ADAM12: variants seen among roughly 807,000 people sequenced by gnomAD.
The protein encoded by ADAM12 is disintegrin and metalloproteinase domain-containing protein 12.
ADAM12 carries 70 observed loss-of-function variants against 106.4 expected under a neutral mutation model. The ratio of observed to expected loss-of-function variants is 0.66; its 90% CI spans 0.54 to 0.80. The LOEUF (loss-of-function observed/expected upper bound fraction) is 0.80, where lower values mean the gene tolerates loss of function less well. Ranked by LOEUF, ADAM12 falls within the 30% of genes least tolerant of loss-of-function variation. The probability of loss-of-function intolerance (pLI) is 0.00; values close to 1 mark genes in which losing one functional copy is unlikely to be tolerated. For missense variants in ADAM12, 1,010 were observed against 1,171.9 expected, an observed-to-expected ratio of 0.86 and a Z score of 2.02; for synonymous variants, 420 against 433.5, an observed-to-expected ratio of 0.97 and a Z score of 0.39.
At chr10:126,160,811 C>T (rs1674923) in intron 3 of ADAM12, among the ~76,000 whole-genome samples, 84,288 of 152,068 alleles carry the variant, frequency 0.55, 24,302 homozygotes, top group East Asian at 0.75. Flanking sequence ...GCTCACTTTT[C>T]CCTCTAGCTC....
chr10:126,097,734 T>C (rs1286247669), intron 10 of ADAM12, among the ~76,000 whole-genome samples: 1 of 152,188 alleles, frequency 6.6e-6, no homozygotes, highest in Admixed American at 6.5e-5. Context: ...TTTAATTATC[T>C]GATGAAGTGG....
intron 2 of ADAM12, among the ~76,000 whole-genome samples, chr10:126,321,063 G>C (rs1306007804): frequency 6.6e-6 from 1 of 152,162 alleles, no homozygotes. Context: ...CTGGGAACCT[G>C]ACCTCGGGTC....
chr10:126,103,107 C>T (rs577859849), intron 8 of ADAM12, among the ~76,000 whole-genome samples: 63 of 152,274 alleles, frequency 4.1e-4, no homozygotes, highest in African/African-American at 1.5e-3. Flanking sequence ...GTCATCATTC[C>T]TTAGTGCTAG....
chr10:126,326,085 T>C lies in ADAM12; in HGVS notation c.186+4327A>G, dbSNP rs572857384. ...TTCAGAAAGAAAGAGACAGAGAACT[T>C]GACAGTAATTTTACCTAAATCAGCC... On this transcript the variant is annotated intron_variant, in intron 2 of 22. Transcript: ENST00000448723. Among the ~76,000 whole-genome samples the C allele has an allele frequency of 1.3e-5, 2 of 152,278 alleles. 1 individual carries two copies. The highest frequency in any genetic ancestry group is 4.8e-5 in the African/African-American group (2 of 41,558).
intron 3 of ADAM12, among the ~76,000 whole-genome samples, chr10:126,221,821 T>C (rs1051289360): frequency 6.6e-6 from 1 of 152,228 alleles, no homozygotes; most frequent in African/African-American, 2.4e-5. Context: ...AACCAGGTGC[T>C]ACGAAACTCT....
At chr10:126,017,753 G>A (rs563848516) in intron 22 of ADAM12, among the ~76,000 whole-genome samples, 4 of 152,222 alleles carry the variant, frequency 2.6e-5, no homozygotes, top group South Asian at 4.2e-4. Context: ...TTTACCAGGC[G>A]CAACATGCCT....
At chr10:126,369,026 T>C (rs977829870) in intron 1 of ADAM12, among the ~76,000 whole-genome samples, 1 of 152,204 alleles carries the variant, frequency 6.6e-6, no homozygotes, top group Non-Finnish European at 1.5e-5. Context: ...TACAGCATCA[T>C]AGTATTTCCA....
chr10:126,297,505 G>A (rs1369477523), intron 2 of ADAM12, among the ~76,000 whole-genome samples: 1 of 152,202 alleles, frequency 6.6e-6, no homozygotes, highest in Non-Finnish European at 1.5e-5. Context: ...AGCTAGAATT[G>A]TGCCACTGCA....
Position 126,176,767 on chromosome 10 carries a change from C to G in ADAM12, c.261-21462G>C, listed in dbSNP as rs771270557. Among the ~76,000 whole-genome samples the G allele has an allele frequency of 6.0e-4, 91 of 152,252 alleles. 1 individual carries two copies. The highest frequency in any genetic ancestry group is 2.1e-4 in the Non-Finnish European group (14 of 68,018). ...CTCTGAACAAAATCTCTCATTGTCT[C>G]CCAAAGCGTGGAGACGTGTGTGGTT... On this transcript the variant is annotated intron_variant, in intron 3 of 22. Coordinates refer to ENST00000448723, the MANE Select transcript of ADAM12 (RefSeq NM_001288973.2).
chr10:126,048,992 G>A (rs1954399917), intron 16 of ADAM12, among the ~76,000 whole-genome samples: 2 of 152,150 alleles, frequency 1.3e-5, no homozygotes, highest in Admixed American at 6.5e-5. Context: ...GTAATTTCCT[G>A]GCTAGAAGTC....
intron 17 of ADAM12, 90 bp downstream of exon 17, chr10:126,045,965 T>C (rs772815570): frequency 1.4e-4 from 162 of 1,157,358 alleles, no homozygotes; most frequent in Non-Finnish European, 2.0e-4. Context: ...ATTTAAAAAA[T>C]GCTATGGATT....
chr10:126,160,724 G>A (rs1186263589), intron 3 of ADAM12, among the ~76,000 whole-genome samples: 2 of 152,126 alleles, frequency 1.3e-5, no homozygotes, highest in African/African-American at 4.8e-5. Flanking sequence ...TGTTGGCCCT[G>A]GGGTGAAATC....
At chr10:126,222,970 C>A (rs1267199888) in intron 3 of ADAM12, among the ~76,000 whole-genome samples, 1 of 152,202 alleles carries the variant, frequency 6.6e-6, no homozygotes, top group Non-Finnish European at 1.5e-5. Flanking sequence ...GGGAAAAAAG[C>A]CTATGTCAGC....
chr10:126,049,816 G>A lies in ADAM12; in HGVS notation c.1610-147C>T. On this transcript the variant is annotated intron_variant, in intron 14 of 22. Transcript: ENST00000448723. The surrounding 1 kb of genome is among the most constrained non-coding windows in gnomAD (Gnocchi z 4.4). ...CCGACTCATGGTGGGAGCTGGCCAG[G>A]GGAAGCCTAGGGTGTCAGCAGCTCG... 2.9e-6 allele frequency: 2 copies of A among 694,678 alleles called. No homozygotes were observed. The highest frequency in any genetic ancestry group is 5.4e-5 in the East Asian group (2 of 36,880). 43.0% of individuals were successfully genotyped at this position (694,678 alleles called of 1,614,324 possible).
intron 3 of ADAM12, among the ~76,000 whole-genome samples, chr10:126,194,798 C>T (rs577368049): frequency 4.6e-5 from 7 of 152,272 alleles, no homozygotes; most frequent in Admixed American, 6.5e-5. Context: ...TGCCTGTAAT[C>T]GTACCCTTGT....
chr10:126,215,596 A>C (rs1162717196), intron 3 of ADAM12, among the ~76,000 whole-genome samples: 1 of 152,190 alleles, frequency 6.6e-6, no homozygotes, highest in Non-Finnish European at 1.5e-5. Context: ...ATGATAGGTA[A>C]ACTGAGGCCA....
At position 126,157,028 on chromosome 10, in the gene ADAM12, T is replaced by G. The variant is rs1239112515; in HGVS notation, c.261-1723A>C. Among the ~76,000 whole-genome samples, 210 of 141,600 alleles carry G rather than the reference T, an allele frequency of 1.5e-3. 2 individuals are homozygous for G. Among genetic ancestry groups the G allele is most frequent in the African/African-American group, 5.2e-3 (204 of 38,950 alleles). The allele number at this position is 141,600 out of a possible 152,430, so 92.9% of individuals were successfully genotyped here. Reference sequence around the variant, plus strand: ...CACACCGTTTGGTTTTGTGTGTGTGTGTGTGGGGGGGTGCTCCTCCACTCT... The same window carrying G: ...CACACCGTTTGGTTTTGTGTGTGTGGGTGTGGGGGGGTGCTCCTCCACTCT... On this transcript the variant is annotated intron_variant, in intron 3 of 22. Coordinates refer to ENST00000448723, the MANE Select transcript of ADAM12 (RefSeq NM_001288973.2).
intron 2 of ADAM12, among the ~76,000 whole-genome samples, chr10:126,330,208 C>G (rs917995103): frequency 6.6e-6 from 1 of 152,126 alleles, no homozygotes; most frequent in African/African-American, 2.4e-5. Context: ...TCAGTAGATG[C>G]AAATAATGTT....
intron 3 of ADAM12, among the ~76,000 whole-genome samples, chr10:126,211,557 C>T (rs1248864159): frequency 1.3e-5 from 2 of 151,934 alleles, no homozygotes; most frequent in African/African-American, 2.4e-5. Flanking sequence ...ATCCTGGACC[C>T]GCTAGTAGTC....
Sources: allele counts gnomAD v4.1 joint callset (sites outside exome capture counted in the v4.1 genomes callset), GRCh38; gene constraint gnomAD v4.1.1; non-coding constraint Gnocchi (gnomAD v3.1); transcripts MANE v1.5; gene names NCBI Gene and HGNC (gene_info 2026-07-23, HGNC 2026-07-21).